Variants in LPP observed in about 807,000 individuals in gnomAD.
LPP encodes LIM domain containing preferred translocation partner in lipoma, also known as lipoma-preferred partner.
Under a neutral mutation model 60.4 loss-of-function variants are expected in LPP, and 38 were observed. The ratio of observed to expected loss-of-function variants is 0.63; its 90% CI spans 0.49 to 0.83. The LOEUF is 0.83. Ranked by LOEUF, LPP falls within the 40% of genes least tolerant of loss-of-function variation. The pLI, the probability that LPP is intolerant of heterozygous loss-of-function variation, is 0.00. For synonymous variants in LPP, 328 were observed against 290.8 expected, an observed-to-expected ratio of 1.13 and a Z score of -1.30; for missense variants, 902 against 783.6, an observed-to-expected ratio of 1.15 and a Z score of -1.80.
intron 2 of LPP, among the ~76,000 whole-genome samples, chr3:188,233,935 T>C (rs985741218): frequency 1.3e-5 from 2 of 151,970 alleles, no homozygotes; most frequent in African/African-American, 4.8e-5. Context: ...TCCTCACCAT[T>C]CCTCTGCTTA....
At chr3:188,339,732 T>G (rs764980401) in intron 2 of LPP, among the ~76,000 whole-genome samples, 3 of 152,192 alleles carry the variant, frequency 2.0e-5, no homozygotes, top group Non-Finnish European at 4.4e-5. Flanking sequence ...GGGTTTACAA[T>G]TCAAGATGAC....
chr3:188,310,145 T>C (rs1752923366), intron 2 of LPP, among the ~76,000 whole-genome samples: 1 of 152,036 alleles, frequency 6.6e-6, no homozygotes, highest in Non-Finnish European at 1.5e-5. Flanking sequence ...CTTTAAGTCA[T>C]TGTGTTCTAG....
rs1770960520 is a variant in LPP, at chr3:188,888,820, CACATTCCCT to C, written c.*14342_*14350del. The C allele has an allele frequency of 4.5e-6, 1 of 221,208 alleles. No homozygotes were observed. Among genetic ancestry groups the C allele is most frequent in the Non-Finnish European group, 9.1e-6 (1 of 110,388 alleles). The allele number at this position is 221,208 out of a possible 1,614,324, so 13.7% of individuals were successfully genotyped here. ...CGGCTACCGTGAAACGGGCTGCAAACACATTCCCTGAGCATCCCTTGCTGATACAGCTTC... is the reference window on the plus strand; with the variant it reads ...CGGCTACCGTGAAACGGGCTGCAAACGAGCATCCCTTGCTGATACAGCTTC... On this transcript the variant is annotated 3_prime_UTR_variant, in exon 12 of 12. Coordinates refer to ENST00000617246, the MANE Select transcript of LPP (RefSeq NM_001375462.1).
chr3:188,765,327 C>G (rs2150564904), intron 9 of LPP, among the ~76,000 whole-genome samples: 1 of 150,668 alleles, frequency 6.6e-6, no homozygotes, highest in East Asian at 1.9e-4. Context: ...CACACACACA[C>G]ACACACACAC....
Position 188,868,506 on chromosome 3 carries a change from A to G in LPP, c.1589+2128A>G, listed in dbSNP as rs898964229. ...CTCGTTCAATGCATGTTAAAACATA[A>G]ATTAAAAATGATAATAATGTTGTCT... is the stretch of plus-strand genomic sequence containing the variant. On this transcript the variant is annotated intron_variant, in intron 10 of 11. Transcript: ENST00000617246. 5.6e-4 allele frequency among the ~76,000 whole-genome samples: 85 copies of G among 152,358 alleles called. 1 individual carries two copies. The highest frequency in any genetic ancestry group is 2.0e-3 in the African/African-American group (85 of 41,580).
chr3:188,489,536 T>G (rs1261280298), intron 5 of LPP, among the ~76,000 whole-genome samples: 1 of 152,220 alleles, frequency 6.6e-6, no homozygotes, highest in Non-Finnish European at 1.5e-5. Context: ...TTTCTAACTG[T>G]GGAACCTACT....
rs548976184 is a variant in LPP, at chr3:188,708,592, A to G, written c.1240+199A>G. ...CATAGATGTGATGTCTACTTAGCTT[A>G]TACTAAAATTTCAGTGGTCCTTAGA... On this transcript the variant is annotated intron_variant, in intron 8 of 11. Coordinates refer to ENST00000617246, the MANE Select transcript of LPP (RefSeq NM_001375462.1). 29 of 668,628 alleles carry G rather than the reference A, an allele frequency of 4.3e-5. No individual in the cohort carries two copies. In the Middle Eastern group the frequency reaches 1.2e-3, roughly 28 times the overall value. 41.4% of individuals were successfully genotyped at this position (668,628 alleles called of 1,614,324 possible).
At chr3:188,713,153 A>G (rs533499371) in intron 8 of LPP, among the ~76,000 whole-genome samples, 3 of 152,320 alleles carry the variant, frequency 2.0e-5, no homozygotes, top group Admixed American at 2.0e-4. Flanking sequence ...ACAGACTGGC[A>G]TGTGCCAACT....
chr3:188,793,344 G>A (rs1744392263), intron 9 of LPP, among the ~76,000 whole-genome samples: 1 of 151,974 alleles, frequency 6.6e-6, no homozygotes. Flanking sequence ...ACCACGCCCA[G>A]CTAATTTTTG....
At chr3:188,678,262 G>A (rs1448932563) in intron 7 of LPP, among the ~76,000 whole-genome samples, 1 of 152,214 alleles carries the variant, frequency 6.6e-6, no homozygotes, top group Non-Finnish European at 1.5e-5. Context: ...ATGCTGAAAT[G>A]TTAGCATAAC....
chr3:188,257,738 A>G (rs1345656307), intron 2 of LPP, among the ~76,000 whole-genome samples: 1 of 152,248 alleles, frequency 6.6e-6, no homozygotes. Flanking sequence ...GTCTGTGTAC[A>G]CACATCATTC....
intron 9 of LPP, among the ~76,000 whole-genome samples, chr3:188,837,382 CATAATAATA>C (rs57174980): frequency 0.011 from 1,531 of 140,366 alleles, 27 homozygotes; most frequent in African/African-American, 0.033. Flanking sequence ...CCATCTCAAA[CATAATAATA>C]ATAATAATAA....
Position 188,592,563 on chromosome 3 carries a change from T to TTTTTTTTTTTTTTTTTGG in LPP, c.430-16598_430-16597insTTTTTTTTTTTTTTTTGG. Among the ~76,000 whole-genome samples the TTTTTTTTTTTTTTTTTGG allele has an allele frequency of 5.8e-4, 45 of 77,232 alleles. 8 individuals carry two copies. Among genetic ancestry groups the TTTTTTTTTTTTTTTTTGG allele is most frequent in the South Asian group, 1.2e-3 (2 of 1,662 alleles). The allele number at this position is 77,232 out of a possible 152,430, so 50.7% of individuals were successfully genotyped here. ...TGTTTTTAGTTTTGTTTTTGTTTTT[T>TTTTTTTTTTTTTTTTTGG]AAATGGAGTCTCACTCTTTCTCCCA... On this transcript the variant is annotated intron_variant, in intron 6 of 11. Coordinates refer to ENST00000617246, the MANE Select transcript of LPP (RefSeq NM_001375462.1).
intron 6 of LPP, among the ~76,000 whole-genome samples, chr3:188,538,639 G>A (rs946883973): frequency 1.3e-5 from 2 of 152,140 alleles, no homozygotes. Flanking sequence ...CTTCAAAATT[G>A]GTCATAGTTA....
chr3:188,730,411 G>T (rs9825301), intron 8 of LPP, among the ~76,000 whole-genome samples: 33,881 of 152,128 alleles, frequency 0.22, 4,744 homozygotes, highest in Middle Eastern at 0.46. Context: ...TTTGTACCAC[G>T]TATTTACAGT....
At chr3:188,415,821 G>C (rs932308920) in intron 4 of LPP, among the ~76,000 whole-genome samples, 12 of 152,254 alleles carry the variant, frequency 7.9e-5, no homozygotes, top group Admixed American at 6.5e-4. Context: ...GACGCAGCAA[G>C]AGTCTTTGTA....
intron 4 of LPP, among the ~76,000 whole-genome samples, chr3:188,476,638 CTTCCT>C (rs1287423356): frequency 6.6e-6 from 1 of 152,026 alleles, no homozygotes; most frequent in Non-Finnish European, 1.5e-5. Context: ...AATCTTAGTC[CTTCCT>C]TTTAATTAAT....
At chr3:188,856,074 G>A (rs567913946) in intron 9 of LPP, among the ~76,000 whole-genome samples, 16 of 152,240 alleles carry the variant, frequency 1.1e-4, no homozygotes, top group African/African-American at 3.6e-4. Flanking sequence ...TCACAGGCGT[G>A]GGTACCAGGG....
Position 188,441,504 on chromosome 3 carries a change from A to G in LPP, c.193+35191A>G, listed in dbSNP as rs867803896. 4.6e-5 allele frequency among the ~76,000 whole-genome samples: 7 copies of G among 151,662 alleles called. No homozygotes were observed. The South Asian group carries it at 1.0e-3, about 22-fold the overall frequency. ...TCACAGTTGCCTCTATTTTCTGATT[A>G]CTAGTCCCTGGAAGGTACAGTGTCA... On this transcript the variant is annotated intron_variant, in intron 4 of 11. Coordinates refer to ENST00000617246, the MANE Select transcript of LPP (RefSeq NM_001375462.1).
Sources: gnomAD v4.1 joint callset for allele counts (sites outside exome capture counted in the v4.1 genomes callset) on GRCh38, gnomAD v4.1.1 for gene constraint, MANE v1.5 for transcripts, NCBI Gene and HGNC (gene_info 2026-07-23, HGNC 2026-07-21) for gene names.